ORC4: variants seen among roughly 807,000 people sequenced by gnomAD.
The protein encoded by ORC4 is origin recognition complex subunit 4.
In ORC4, 55 loss-of-function variants were observed where a neutral mutation model predicts 63.9. The observed-to-expected ratio is 0.86, with a 90% CI of 0.69 to 1.08. The LOEUF is 1.08. Among genes scored for constraint, ORC4 ranks in the 50% least tolerant of loss-of-function variants. The probability of loss-of-function intolerance (pLI) is 0.00; values close to 1 mark genes in which losing one functional copy is unlikely to be tolerated. For synonymous variants in ORC4, 150 were observed against 168.5 expected (o/e 0.89, Z 0.85); for missense variants, 511 against 504.4 (o/e 1.01, Z -0.13).
At chr2:148,009,861 C>T (rs766878918) in intron 1 of ORC4, among the ~76,000 whole-genome samples, 4 of 152,238 alleles carry the variant, frequency 2.6e-5, no homozygotes, top group South Asian at 2.1e-4. Context: ...AAACAAGGCC[C>T]TACTACCTGC....
Position 147,983,513 on chromosome 2 carries a change from C to A in ORC4, c.-17-7538G>T, listed in dbSNP as rs184294706. 2.0e-5 allele frequency among the ~76,000 whole-genome samples: 3 copies of A among 152,296 alleles called. No individual in the cohort carries two copies. The East Asian group carries it at 5.8e-4, about 29-fold the overall frequency. ...CCACTGGTCCCCAAACACAAACTCTCTAATTCAGCCTGTAGATCAGGGGGT... is the reference window on the plus strand; with the variant it reads ...CCACTGGTCCCCAAACACAAACTCTATAATTCAGCCTGTAGATCAGGGGGT... On this transcript the variant is annotated intron_variant, in intron 1 of 13. Transcript: ENST00000392857.
intron 4 of ORC4, among the ~76,000 whole-genome samples, chr2:147,968,790 T>C (rs1214746093): frequency 6.6e-6 from 1 of 151,988 alleles, no homozygotes; most frequent in Non-Finnish European, 1.5e-5. Flanking sequence ...AGAATTTATA[T>C]AAAGGAACGG....
chr2:147,978,270 G>T (rs931900052), intron 1 of ORC4, among the ~76,000 whole-genome samples: 1 of 152,224 alleles, frequency 6.6e-6, no homozygotes, highest in East Asian at 1.9e-4. Flanking sequence ...TTTCTGTGCA[G>T]GATTTCTGTA....
chr2:147,952,274 A>T (rs1688996433), intron 8 of ORC4, 99 bp downstream of exon 8: 1 of 888,328 alleles, frequency 1.1e-6, no homozygotes, highest in Non-Finnish European at 1.7e-6. Flanking sequence ...CAAAATTTTT[A>T]AAATGACCTA....
intron 11 of ORC4, among the ~76,000 whole-genome samples, chr2:147,938,939 A>G (rs1688212513): frequency 6.6e-6 from 1 of 152,202 alleles, no homozygotes; most frequent in Admixed American, 6.6e-5. Flanking sequence ...CCAATGTGGC[A>G]AAAGAGGCAG....
At chr2:147,939,007 G>C in intron 11 of ORC4, 133 bp downstream of exon 11, 1 of 657,524 alleles carries the variant, frequency 1.5e-6, no homozygotes. Flanking sequence ...AAAGGACTAA[G>C]TTAAAGGCTA....
chr2:148,007,376 TATATC>T (rs1478864969), intron 1 of ORC4, among the ~76,000 whole-genome samples: 1 of 152,096 alleles, frequency 6.6e-6, no homozygotes, highest in Non-Finnish European at 1.5e-5. Flanking sequence ...AATTCAGAAT[TATATC>T]AGAGAAACTT....
chr2:147,932,645 C>G lies in ORC4; in HGVS notation c.*2865G>C, dbSNP rs775193720. On this transcript the variant is annotated 3_prime_UTR_variant, in exon 14 of 14. Coordinates refer to ENST00000392857, the MANE Select transcript of ORC4 (RefSeq NM_181741.4). ...GCATTTCCCTCTATTATCGTCTAAA[C>G]AGATTATATTCCCACTAAAGTATGT... is the stretch of plus-strand genomic sequence containing the variant. 3.9e-5 allele frequency: 6 copies of G among 152,064 alleles called. No homozygotes were observed. Among genetic ancestry groups the G allele is most frequent in the Admixed American group, 2.6e-4 (4 of 15,224 alleles). The allele number at this position is 152,064 out of a possible 1,614,324, so 9.4% of individuals were successfully genotyped here.
At chr2:148,016,614 G>T (rs1303075793) in intron 1 of ORC4, among the ~76,000 whole-genome samples, 1 of 152,222 alleles carries the variant, frequency 6.6e-6, no homozygotes, top group African/African-American at 2.4e-5. Flanking sequence ...CTTTTTTCAG[G>T]GAAAATGCTT....
At chr2:147,985,494 C>T (rs1691150033) in intron 1 of ORC4, among the ~76,000 whole-genome samples, 1 of 152,204 alleles carries the variant, frequency 6.6e-6, no homozygotes, top group Non-Finnish European at 1.5e-5. Flanking sequence ...CCGTGCCCAG[C>T]CTTAGTAAAC....
intron 8 of ORC4, among the ~76,000 whole-genome samples, chr2:147,950,781 A>G (rs899609641): frequency 6.8e-6 from 1 of 148,068 alleles, no homozygotes; most frequent in Non-Finnish European, 1.5e-5. Context: ...AAAAAAAAAG[A>G]AAAAGAAAAA....
At chr2:147,975,323 A>C (rs1573824485) in intron 2 of ORC4, among the ~76,000 whole-genome samples, 1 of 152,126 alleles carries the variant, frequency 6.6e-6, no homozygotes, top group Non-Finnish European at 1.5e-5. Flanking sequence ...AACGTAACGG[A>C]ACTTCCTCAA....
intron 1 of ORC4, among the ~76,000 whole-genome samples, chr2:147,993,636 A>G (rs963063842): frequency 6.6e-6 from 1 of 152,160 alleles, no homozygotes; most frequent in African/African-American, 2.4e-5. Context: ...ATAAATGGAA[A>G]TGTCAGTTGA....
At chr2:147,964,519 A>C (rs1323898554) in intron 4 of ORC4, among the ~76,000 whole-genome samples, 1 of 152,200 alleles carries the variant, frequency 6.6e-6, no homozygotes, top group Non-Finnish European at 1.5e-5. Flanking sequence ...TGAGAAAAAC[A>C]TATTTAATAA....
intron 1 of ORC4, among the ~76,000 whole-genome samples, chr2:148,011,108 C>T (rs1340136780): frequency 6.6e-6 from 1 of 151,970 alleles, no homozygotes; most frequent in African/African-American, 2.4e-5. Flanking sequence ...GGATTACTGG[C>T]GTGAGCTACC....
At chr2:147,948,963 G>A (rs192703695) in intron 8 of ORC4, among the ~76,000 whole-genome samples, 11 of 147,998 alleles carry the variant, frequency 7.4e-5, no homozygotes, top group Admixed American at 4.7e-4. Context: ...TAATGAACTT[G>A]AGCAATTTTT....
At position 148,015,197 on chromosome 2, in the gene ORC4, CA is replaced by C. The variant is rs985073338; in HGVS notation, c.-18+5435del. Among the ~76,000 whole-genome samples, 137 of 142,500 alleles carry C rather than the reference CA, an allele frequency of 9.6e-4. 1 individual carries two copies. Among genetic ancestry groups the C allele is most frequent in the African/African-American group, 3.3e-3 (126 of 38,594 alleles). The allele number at this position is 142,500 out of a possible 152,430, so 93.5% of individuals were successfully genotyped here. ...AATTACAACCAAAAAAAGAAACAAA[CA>C]AAAAAAAATTCTAAAAGAGAGATTT... On this transcript the variant is annotated intron_variant, in intron 1 of 13. Coordinates refer to ENST00000392857, the MANE Select transcript of ORC4 (RefSeq NM_181741.4).
At chr2:147,973,279 T>C (rs1389925719) in intron 3 of ORC4, among the ~76,000 whole-genome samples, 169 bp downstream of exon 3, 1 of 152,224 alleles carries the variant, frequency 6.6e-6, no homozygotes, top group Non-Finnish European at 1.5e-5. Context: ...TATTTGTATC[T>C]GCTCCTGCTT....
intron 1 of ORC4, among the ~76,000 whole-genome samples, chr2:147,981,070 A>G (rs1254045178): frequency 6.6e-6 from 1 of 152,238 alleles, no homozygotes; most frequent in Non-Finnish European, 1.5e-5. Context: ...ATTTGCAGCA[A>G]CATAGATGCA....
Sources: allele counts gnomAD v4.1 joint callset (sites outside exome capture counted in the v4.1 genomes callset), GRCh38; gene constraint gnomAD v4.1.1; transcripts MANE v1.5; gene names NCBI Gene and HGNC (gene_info 2026-07-23, HGNC 2026-07-21).